The following PSD2 variants were observed in gnomAD, a reference collection of about 807,000 sequenced individuals.
The protein encoded by PSD2 is pleckstrin and Sec7 domain containing 2, also known as PH and SEC7 domain-containing protein 2.
In PSD2, 38 loss-of-function variants were observed where a neutral mutation model predicts 69.8. The ratio of observed to expected loss-of-function variants is 0.54; its 90% CI spans 0.42 to 0.71. The LOEUF (loss-of-function observed/expected upper bound fraction) is 0.71, where lower values mean the gene tolerates loss of function less well. PSD2 is among the 30% of genes least tolerant of loss of function. The probability of loss-of-function intolerance (pLI) is 0.00; values close to 1 mark genes in which losing one functional copy is unlikely to be tolerated. For missense variants in PSD2, 943 were observed against 1,014.5 expected (o/e 0.93, Z 0.96); for synonymous variants, 412 against 423.0 (o/e 0.97, Z 0.32).
intron 4 of PSD2, among the ~76,000 whole-genome samples, chr5:139,815,094 G>C (rs566856172): frequency 2.2e-4 from 34 of 152,280 alleles, no homozygotes; most frequent in African/African-American, 7.7e-4. Context: ...CCAGACCCTT[G>C]TCCATGAGTG....
chr5:139,774,901 A>G, the PSD2 span, among the ~76,000 whole-genome samples: 5 of 152,096 alleles, frequency 3.3e-5, no homozygotes, highest in Non-Finnish European at 7.4e-5. Context: ...TGTGTCCACC[A>G]TGGGAGTGTG....
chr5:139,766,828 C>CTTCTCTTTCT, the PSD2 span, among the ~76,000 whole-genome samples: 136 of 87,808 alleles, frequency 1.5e-3, 3 homozygotes, highest in African/African-American at 4.7e-3. Context: ...AAGTCCCTTC[C>CTTCTCTTTCT]TTCTTTCTTT....
At chr5:139,743,952 C>G in the PSD2 span, 1 of 152,426 alleles carries the variant, frequency 6.6e-6, no homozygotes, top group African/African-American at 2.4e-5. Flanking sequence ...GTTCCAGCTC[C>G]TCCACTCATG....
Position 139,814,485 on chromosome 5 carries a change from C to T in PSD2, c.1016+121C>T, listed in dbSNP as rs1760068771. 5.0e-6 allele frequency: 4 copies of T among 799,074 alleles called. No individual in the cohort carries two copies. Among genetic ancestry groups the T allele is most frequent in the Non-Finnish European group, 5.6e-6 (3 of 533,616 alleles). The allele number at this position is 799,074 out of a possible 1,614,324, so 49.5% of individuals were successfully genotyped here. On this transcript the variant is annotated intron_variant, in intron 4 of 14. Coordinates refer to ENST00000274710, the MANE Select transcript of PSD2 (RefSeq NM_032289.4). This position sits in a 1 kb window ranked among gnomAD's most constrained non-coding sequence, Gnocchi z 4.4. ...GCTGGGGGGGCACTCCCAACAGTTCCCCAAGGACACCTCCTCCCGCCACTG... is the reference window on the plus strand; with the variant it reads ...GCTGGGGGGGCACTCCCAACAGTTCTCCAAGGACACCTCCTCCCGCCACTG...
the PSD2 span, among the ~76,000 whole-genome samples, chr5:139,746,606 G>A: frequency 6.6e-6 from 1 of 152,188 alleles, no homozygotes; most frequent in African/African-American, 2.4e-5. This position sits in a 1 kb window ranked among gnomAD's most constrained non-coding sequence, Gnocchi z 4.5. Flanking sequence ...TTGTAGGACC[G>A]CCACAGAACG....
the PSD2 span, among the ~76,000 whole-genome samples, chr5:139,774,787 GC>G: frequency 1.3e-5 from 2 of 152,326 alleles, no homozygotes; most frequent in Non-Finnish European, 1.5e-5. Context: ...ACTGCGCCCG[GC>G]CCCGGGAAAG....
At chr5:139,840,486 C>T (rs1002350055) in intron 14 of PSD2, among the ~76,000 whole-genome samples, 4 of 152,100 alleles carry the variant, frequency 2.6e-5, no homozygotes, top group African/African-American at 9.7e-5. Context: ...CTCACCAGCA[C>T]TGGGCATTGC....
At chr5:139,803,203 G>T (rs1465385680) in intron 1 of PSD2, among the ~76,000 whole-genome samples, 1 of 152,238 alleles carries the variant, frequency 6.6e-6, no homozygotes, top group African/African-American at 2.4e-5. Context: ...AAAGGGAGGG[G>T]ATGCCCTCTC....
the PSD2 span, chr5:139,744,881 C>T: frequency 2.0e-5 from 3 of 152,470 alleles, no homozygotes; most frequent in East Asian, 3.9e-4. Flanking sequence ...TGTGATTTCT[C>T]TGCAGCTGCC....
At chr5:139,798,785 A>C (rs539918433) in intron 1 of PSD2, among the ~76,000 whole-genome samples, 24 of 152,338 alleles carry the variant, frequency 1.6e-4, no homozygotes, top group African/African-American at 4.6e-4. Context: ...ATGCATTGTT[A>C]TCATACCCAA....
intron 5 of PSD2, among the ~76,000 whole-genome samples, chr5:139,819,752 C>T (rs1303359852): frequency 6.6e-6 from 1 of 152,278 alleles, no homozygotes; most frequent in African/African-American, 2.4e-5. Context: ...TGTTGGTGTG[C>T]TGCAGGCTAC....
the PSD2 span, among the ~76,000 whole-genome samples, chr5:139,781,497 G>T: frequency 6.6e-6 from 1 of 151,766 alleles, no homozygotes; most frequent in African/African-American, 2.4e-5. Context: ...CACCACGCCC[G>T]GCTAATTTTT....
chr5:139,794,550 G>A (rs552964703), upstream of PSD2, among the ~76,000 whole-genome samples: 16 of 152,340 alleles, frequency 1.1e-4, no homozygotes, highest in South Asian at 3.1e-3. Flanking sequence ...ACTTCATGAA[G>A]GAAGGGGCAT....
At chr5:139,792,837 TCTTTC>T (rs1439678501), upstream of PSD2, among the ~76,000 whole-genome samples, 4 of 146,482 alleles carry the variant, frequency 2.7e-5, no homozygotes, top group East Asian at 4.2e-4. Flanking sequence ...TTCCTTCCTT[TCTTTC>T]TTTTTTTCTT....
At chr5:139,747,221 C>A in the PSD2 span, among the ~76,000 whole-genome samples, 1 of 152,176 alleles carries the variant, frequency 6.6e-6, no homozygotes, top group Non-Finnish European at 1.5e-5. The surrounding 1 kb of genome is among the most constrained non-coding windows in gnomAD (Gnocchi z 6.7). Context: ...CTTTGTCTGT[C>A]TGACTCTCTC....
In PSD2 at chr5:139,817,465, C is replaced by T. The variant is rs1760149123; in HGVS notation, c.1017-16C>T. ...TGGACCCTGCTTCTAACAGACATCC[C>T]ATACTCTCCTGGCAGCAACGAGTTT... On this transcript the variant is annotated splice_polypyrimidine_tract_variant and intron_variant, in intron 4 of 14. Transcript: ENST00000274710. The T allele has an allele frequency of 1.2e-6, 2 of 1,610,786 alleles. No homozygotes were observed. Among genetic ancestry groups the T allele is most frequent in the Non-Finnish European group, 1.7e-6 (2 of 1,176,990 alleles).
chr5:139,838,668 C>T lies in PSD2; in HGVS notation c.1864C>T (p.Leu622=), dbSNP rs557793029. Residue 622 remains leucine (L), a synonymous_variant, in exon 13 of 15, where the codon CTG becomes TTG. Transcript: ENST00000274710. ...EMLSWILRIN[L]VAAIFSAPAF... ...GCTGTCCTGGATCCTCAGGATCAACCTGGTGGCAGCCATCTTCTCTGCCCC... is the reference window on the plus strand; with the variant it reads ...GCTGTCCTGGATCCTCAGGATCAACTTGGTGGCAGCCATCTTCTCTGCCCC... The T allele has an allele frequency of 6.2e-6, 10 of 1,614,026 alleles. No homozygotes were observed. The highest frequency in any genetic ancestry group is 2.2e-5 in the East Asian group (1 of 44,876).
chr5:139,767,425 A>G, the PSD2 span, among the ~76,000 whole-genome samples: 1 of 151,230 alleles, frequency 6.6e-6, no homozygotes, highest in African/African-American at 2.4e-5. Context: ...AGGGATTCTT[A>G]TGCCTCAGTC....
At chr5:139,761,579 ACTC>A in the PSD2 span, among the ~76,000 whole-genome samples, 1 of 149,562 alleles carries the variant, frequency 6.7e-6, no homozygotes, top group Non-Finnish European at 1.5e-5. Flanking sequence ...GTTCCCCTTC[ACTC>A]CTCCTCCGTG....
Sources: gnomAD v4.1 joint callset for allele counts (sites outside exome capture counted in the v4.1 genomes callset) on GRCh38, gnomAD v4.1.1 for gene constraint, Gnocchi (gnomAD v3.1) non-coding constraint, MANE v1.5 for transcripts, NCBI Gene and HGNC (gene_info 2026-07-23, HGNC 2026-07-21) for gene names.